MPDZ: variants seen among roughly 807,000 people sequenced by gnomAD.
The protein encoded by MPDZ is multiple PDZ domain crumbs cell polarity complex component.
Under a neutral mutation model 239.1 loss-of-function variants are expected in MPDZ, and 234 were observed. The ratio of observed to expected loss-of-function variants is 0.98; its 90% CI spans 0.88 to 1.09. MPDZ has a LOEUF of 1.09. Ranked by LOEUF, MPDZ falls within the 50% of genes least tolerant of loss-of-function variation. The pLI, the probability that MPDZ is intolerant of heterozygous loss-of-function variation, is 0.00. For missense variants in MPDZ, 3,175 were observed against 2,510.0 expected (o/e 1.26, Z -5.66); for synonymous variants, 1,048 against 881.3 (o/e 1.19, Z -3.35).
At chr9:13,113,801 A>T (rs1015495716) in intron 41 of MPDZ, 130 bp downstream of exon 41, 1 of 697,600 alleles carries the variant, frequency 1.4e-6, no homozygotes, top group Non-Finnish European at 2.4e-6. Flanking sequence ...TTTTGCTAAC[A>T]CGTGTTTTTG....
chr9:13,164,825 C>A (rs1452610719), intron 22 of MPDZ, among the ~76,000 whole-genome samples: 1 of 152,130 alleles, frequency 6.6e-6, no homozygotes, highest in East Asian at 1.9e-4. Flanking sequence ...TGCAACAGAA[C>A]ATGCAGAGCC....
rs1277604172 is a variant in MPDZ at position 13,219,681 on chromosome 9, G to A, written c.964C>T (p.Leu322Phe). ...TTAACTCTATTTCCACATTGCCTAA[G>A]GACTTGTGCTACTTGCTCACTGCTC... is the stretch of plus-strand genomic sequence containing the variant. ...GMSSEQVAQV[L>F]RQCGNRVKLM... Residue 322 changes from leucine to phenylalanine, a missense_variant, in exon 8 of 47, where the codon CTT becomes TTT. By Grantham distance (22) the Leu-to-Phe change is conservative. Coordinates refer to ENST00000319217, the MANE Select transcript of MPDZ (RefSeq NM_001378778.1). 6.2e-7 allele frequency: 1 copy of A among 1,612,596 alleles called. No homozygotes were observed. The highest frequency in any genetic ancestry group is 1.3e-5 in the African/African-American group (1 of 74,816).
At chr9:13,121,182 G>A (rs564940121) in intron 38 of MPDZ, among the ~76,000 whole-genome samples, 4 of 152,128 alleles carry the variant, frequency 2.6e-5, no homozygotes, top group South Asian at 2.1e-4. Flanking sequence ...GCTCTTATTC[G>A]CTCTGATCCT....
At chr9:13,213,176 C>G (rs1349394604) in intron 10 of MPDZ, among the ~76,000 whole-genome samples, 3 of 151,922 alleles carry the variant, frequency 2.0e-5, no homozygotes, top group Non-Finnish European at 4.4e-5. Flanking sequence ...CAACAGACTC[C>G]TTTTGTCAAA....
chr9:13,121,008 C>T (rs1295725453), intron 38 of MPDZ, among the ~76,000 whole-genome samples: 1 of 152,138 alleles, frequency 6.6e-6, no homozygotes, highest in Non-Finnish European at 1.5e-5. Flanking sequence ...ATGAAACTTG[C>T]TGGATTATTT....
chr9:13,153,162 C>T (rs750122779), intron 24 of MPDZ, among the ~76,000 whole-genome samples: 1 of 151,992 alleles, frequency 6.6e-6, no homozygotes, highest in East Asian at 1.9e-4. Context: ...TAAGAAGAGG[C>T]TGGGAATGAA....
At chr9:13,197,138 TAA>T (rs1402687077) in intron 12 of MPDZ, among the ~76,000 whole-genome samples, 1 of 146,106 alleles carries the variant, frequency 6.8e-6, no homozygotes, top group Non-Finnish European at 1.5e-5. Context: ...GTTTTCTCCT[TAA>T]AAGACTGTAA....
At chr9:13,261,418 A>G (rs1336748496) in intron 1 of MPDZ, among the ~76,000 whole-genome samples, 1 of 152,170 alleles carries the variant, frequency 6.6e-6, no homozygotes, top group Non-Finnish European at 1.5e-5. Context: ...TTGTTCAAAC[A>G]CAGTCTGCTT....
chr9:13,180,645 C>A (rs1383597941), intron 19 of MPDZ, among the ~76,000 whole-genome samples: 2 of 151,902 alleles, frequency 1.3e-5, no homozygotes, highest in African/African-American at 2.4e-5. Flanking sequence ...TTGGAGGTAA[C>A]AAGGGAAAAG....
At position 13,183,657 on chromosome 9, in the gene MPDZ, G is replaced by C. The variant is rs967478104; in HGVS notation, c.2482-72C>G. On this transcript the variant is annotated intron_variant, in intron 18 of 46. Coordinates refer to ENST00000319217, the MANE Select transcript of MPDZ (RefSeq NM_001378778.1). Reference sequence around the variant, plus strand: ...TATATGACAAACAATCTCCACTTGAGACTAAAAGGCAAACTGGTATCATTC... The same window carrying C: ...TATATGACAAACAATCTCCACTTGACACTAAAAGGCAAACTGGTATCATTC... The C allele has an allele frequency of 7.7e-6, 11 of 1,432,208 alleles. No homozygotes were observed. In the African/African-American group the frequency reaches 1.3e-4, roughly 17 times the overall value. The allele number at this position is 1,432,208 out of a possible 1,614,324, so 88.7% of individuals were successfully genotyped here.
chr9:13,158,085 C>T lies in MPDZ; in HGVS notation c.3385G>A (p.Glu1129Lys). The T allele has an allele frequency of 6.2e-7, 1 of 1,612,724 alleles. No individual in the cohort carries two copies. Among genetic ancestry groups the T allele is most frequent in the Non-Finnish European group, 8.5e-7 (1 of 1,179,138 alleles). The change falls in exon 24 of 47, where the codon GAA becomes AAA. Residue 1129 changes from glutamate to lysine, a missense_variant. By Grantham distance (56) the Glu-to-Lys change is moderately conservative. Coordinates refer to ENST00000319217, the MANE Select transcript of MPDZ (RefSeq NM_001378778.1). ...TCGCTTTCTTCACCCTCTCCCTCTT[C>T]TCGCTCTGGTAATTCTGGAATGTCT... ...GRDIPELPER[E>K]EGEGEESELQ...
chr9:13,114,912 T>G (rs1563823831), intron 40 of MPDZ, among the ~76,000 whole-genome samples: 1 of 151,698 alleles, frequency 6.6e-6, no homozygotes, highest in East Asian at 1.9e-4. Flanking sequence ...AATAAATAAA[T>G]AAATAAATAA....
At chr9:13,165,553 C>CATCT in intron 22 of MPDZ, 2 of 731,254 alleles carry the variant, frequency 2.7e-6, no homozygotes, top group Non-Finnish European at 4.4e-6. Flanking sequence ...ACCTCCCTCC[C>CATCT]ATCTACACCT....
chr9:13,159,726 G>T (rs758020733), intron 23 of MPDZ, among the ~76,000 whole-genome samples: 2 of 152,138 alleles, frequency 1.3e-5, no homozygotes, highest in Non-Finnish European at 2.9e-5. Flanking sequence ...TTAGGTACAA[G>T]AAGATAAATA....
intron 43 of MPDZ, 28 bp from the exon 44 acceptor site, chr9:13,110,768 C>G: frequency 1.9e-6 from 3 of 1,569,472 alleles, no homozygotes; most frequent in Non-Finnish European, 2.6e-6. Flanking sequence ...AAACAGCCAT[C>G]TGCTAAAGCA....
intron 21 of MPDZ, among the ~76,000 whole-genome samples, chr9:13,172,192 C>G (rs1347927151): frequency 6.6e-6 from 1 of 152,048 alleles, no homozygotes; most frequent in Middle Eastern, 3.2e-3. Context: ...TCCAAAATGC[C>G]AGAGGAACCT....
At chr9:13,125,092 G>A (rs1157543751) in intron 35 of MPDZ, 124 bp downstream of exon 35, 1 of 840,428 alleles carries the variant, frequency 1.2e-6, no homozygotes, top group Non-Finnish European at 1.8e-6. Flanking sequence ...CTCACCATAG[G>A]GCTCCCTGAC....
intron 1 of MPDZ, among the ~76,000 whole-genome samples, chr9:13,253,939 GTACAGACAGA>G (rs1968760173): frequency 6.6e-6 from 1 of 152,122 alleles, no homozygotes; most frequent in Non-Finnish European, 1.5e-5. Flanking sequence ...GGAAAATGAG[GTACAGACAGA>G]TTAAGTAACT....
intron 35 of MPDZ, among the ~76,000 whole-genome samples, chr9:13,124,588 A>C (rs1223496505): frequency 1.3e-5 from 2 of 152,176 alleles, no homozygotes; most frequent in African/African-American, 4.8e-5. Context: ...ACCTCCATAT[A>C]CTAGACTGGA....
Sources: allele counts gnomAD v4.1 joint callset (sites outside exome capture counted in the v4.1 genomes callset), GRCh38; gene constraint gnomAD v4.1.1; transcripts MANE v1.5; gene names NCBI Gene and HGNC (gene_info 2026-07-23, HGNC 2026-07-21).